Variants in FAF1 observed in about 807,000 individuals in gnomAD.
FAF1 encodes the protein FAS-associated factor 1.
In FAF1, 25 loss-of-function variants were observed where a neutral mutation model predicts 92.5. The observed-to-expected ratio is 0.27, with a 90% confidence interval of 0.20 to 0.38. FAF1 has a LOEUF of 0.38. FAF1 is among the 10% of genes least tolerant of loss of function. FAF1 has a pLI of 1.00. For synonymous variants in FAF1, 234 were observed against 273.2 expected, an observed-to-expected ratio of 0.86 and a Z score of 1.42; for missense variants, 636 against 793.3, an observed-to-expected ratio of 0.80 and a Z score of 2.38.
chr1:50,731,304 C>A (rs1658905724), intron 6 of FAF1, among the ~76,000 whole-genome samples: 1 of 152,026 alleles, frequency 6.6e-6, no homozygotes, highest in Admixed American at 6.5e-5. Context: ...TAGCTAACTG[C>A]TGAGGTACTA....
At chr1:50,729,108 T>C (rs974791738) in intron 6 of FAF1, among the ~76,000 whole-genome samples, 2 of 145,250 alleles carry the variant, frequency 1.4e-5, no homozygotes, top group African/African-American at 5.1e-5. Context: ...CAGGCTGAAG[T>C]GCAATGGCAC....
At chr1:50,865,693 T>TG (rs1207573552) in intron 1 of FAF1, among the ~76,000 whole-genome samples, 1 of 55,546 alleles carries the variant, frequency 1.8e-5, no homozygotes, top group Non-Finnish European at 3.4e-5. Flanking sequence ...TGTTGTGGGG[T>TG]GGGGGGAGGG....
At chr1:50,833,119 A>AC (rs1644169459) in intron 2 of FAF1, among the ~76,000 whole-genome samples, 1 of 152,078 alleles carries the variant, frequency 6.6e-6, no homozygotes, top group African/African-American at 2.4e-5. Flanking sequence ...TTCTGACACT[A>AC]ACTACCCAGA....
At chr1:50,467,262 C>A (rs1443055050) in intron 18 of FAF1, among the ~76,000 whole-genome samples, 1 of 152,130 alleles carries the variant, frequency 6.6e-6, no homozygotes, top group African/African-American at 2.4e-5. Flanking sequence ...ATGAATAAAT[C>A]AGAGATGATG....
intron 1 of FAF1, among the ~76,000 whole-genome samples, chr1:50,869,820 T>C (rs1425320234): frequency 6.6e-6 from 1 of 152,234 alleles, no homozygotes; most frequent in East Asian, 1.9e-4. Flanking sequence ...CTCTACAGTT[T>C]TACATATTTT....
chr1:50,582,163 T>C (rs1651019920), intron 12 of FAF1, among the ~76,000 whole-genome samples: 1 of 152,164 alleles, frequency 6.6e-6, no homozygotes, highest in African/African-American at 2.4e-5. Context: ...TATCAAGAAC[T>C]AGTCATTTGC....
chr1:50,666,148 A>G (rs1209751090), intron 7 of FAF1, among the ~76,000 whole-genome samples: 1 of 150,722 alleles, frequency 6.6e-6, no homozygotes, highest in African/African-American at 2.4e-5. Context: ...AAAAAAGACC[A>G]GGTGATCTGC....
chr1:50,838,437 T>A (rs1644229497), intron 2 of FAF1, among the ~76,000 whole-genome samples: 1 of 149,712 alleles, frequency 6.7e-6, no homozygotes, highest in South Asian at 2.1e-4. Context: ...TAAATATAAT[T>A]TTACATGTTA....
intron 4 of FAF1, among the ~76,000 whole-genome samples, chr1:50,769,342 C>A (rs1419702935): frequency 6.6e-6 from 1 of 152,160 alleles, no homozygotes; most frequent in Non-Finnish European, 1.5e-5. Context: ...CAGATGAGCT[C>A]ACAGTTGAGT....
chr1:50,885,376 G>A (rs1220767606), intron 1 of FAF1, among the ~76,000 whole-genome samples: 3 of 149,222 alleles, frequency 2.0e-5, no homozygotes, highest in Non-Finnish European at 4.5e-5. Context: ...GTGCCCCAGT[G>A]TTAGATGCAT....
At chr1:50,741,127 T>C (rs1557503859) in intron 5 of FAF1, among the ~76,000 whole-genome samples, 1 of 152,244 alleles carries the variant, frequency 6.6e-6, no homozygotes, top group Non-Finnish European at 1.5e-5. Flanking sequence ...CCTCTATTAA[T>C]ACTGGTGTGA....
At chr1:50,711,463 C>CATTTTTTTTTTTTTTTTTTTTTTTT (rs1657925101) in intron 6 of FAF1, among the ~76,000 whole-genome samples, 1 of 81,976 alleles carries the variant, frequency 1.2e-5, no homozygotes, top group African/African-American at 5.1e-5. Flanking sequence ...TCCACACTGA[C>CATTTTTTTTTTTTTTTTTTTTTTTT]TTTTTTTTTT....
chr1:50,678,038 T>C (rs1161692106), intron 7 of FAF1, among the ~76,000 whole-genome samples: 1 of 152,194 alleles, frequency 6.6e-6, no homozygotes, highest in African/African-American at 2.4e-5. Context: ...TACAGTACCC[T>C]AGTCAGTCAA....
intron 15 of FAF1, among the ~76,000 whole-genome samples, chr1:50,528,146 C>T (rs1572810215): frequency 6.6e-6 from 1 of 151,954 alleles, no homozygotes; most frequent in Admixed American, 6.6e-5. Context: ...GAGATTATAG[C>T]CGTGAGCCAC....
chr1:50,866,538 C>T (rs1425625463), intron 1 of FAF1, among the ~76,000 whole-genome samples: 1 of 152,066 alleles, frequency 6.6e-6, no homozygotes, highest in Non-Finnish European at 1.5e-5. Context: ...CACTGCTATA[C>T]ACCAACAGTG....
At chr1:50,747,462 C>T (rs1659675489) in intron 4 of FAF1, among the ~76,000 whole-genome samples, 2 of 152,144 alleles carry the variant, frequency 1.3e-5, no homozygotes, top group African/African-American at 4.8e-5. Flanking sequence ...GCCATTTTCT[C>T]CCTTTTGGAA....
chr1:50,907,308 C>T (rs1403039294), intron 1 of FAF1, among the ~76,000 whole-genome samples: 1 of 152,110 alleles, frequency 6.6e-6, no homozygotes, highest in South Asian at 2.1e-4. Context: ...ATTTCTGCAT[C>T]GATGTTCATC....
chr1:50,552,494 A>G (rs1649360851), intron 13 of FAF1, among the ~76,000 whole-genome samples: 1 of 152,164 alleles, frequency 6.6e-6, no homozygotes, highest in African/African-American at 2.4e-5. Context: ...ATAGGAAACA[A>G]AAGTGGAAAA....
intron 8 of FAF1, among the ~76,000 whole-genome samples, chr1:50,621,391 CTTTT>C (rs36053834): frequency 1.1e-5 from 1 of 89,216 alleles, no homozygotes; most frequent in Non-Finnish European, 2.2e-5. Flanking sequence ...TTCTTTTTTT[CTTTT>C]TTTTTTTTTT....
Sources: allele counts gnomAD v4.1 joint callset (sites outside exome capture counted in the v4.1 genomes callset), GRCh38; gene constraint gnomAD v4.1.1; transcripts MANE v1.5; gene names NCBI Gene and HGNC (gene_info 2026-07-23, HGNC 2026-07-21).